The following DTNB variants were observed in gnomAD, a reference collection of about 807,000 sequenced individuals.
The protein encoded by DTNB is dystrobrevin beta, also known as DTN-B.
DTNB carries 63 observed loss-of-function variants against 90.7 expected under a neutral mutation model. The ratio of observed to expected loss-of-function variants is 0.69; its 90% CI spans 0.57 to 0.86. The LOEUF (loss-of-function observed/expected upper bound fraction) is 0.86, where lower values mean the gene tolerates loss of function less well. Ranked by LOEUF, DTNB falls within the 40% of genes least tolerant of loss-of-function variation. DTNB has a pLI of 0.00. For missense variants in DTNB, 744 were observed against 807.1 expected (o/e 0.92, Z 0.95); for synonymous variants, 277 against 286.7 (o/e 0.97, Z 0.34).
chr2:25,584,237 T>C (rs11126114), intron 6 of DTNB, among the ~76,000 whole-genome samples: 13,811 of 152,248 alleles, frequency 0.091, 736 homozygotes, highest in Non-Finnish European at 0.12. Context: ...CCAGAGACAA[T>C]GTGACGAAGC....
chr2:25,591,106 A>G (rs550556026), intron 6 of DTNB, among the ~76,000 whole-genome samples: 2 of 152,198 alleles, frequency 1.3e-5, no homozygotes, highest in Non-Finnish European at 2.9e-5. Context: ...TCGCTCTGAC[A>G]CTGGAGCAGG....
intron 8 of DTNB, among the ~76,000 whole-genome samples, chr2:25,566,733 C>T (rs1033182027): frequency 6.6e-5 from 10 of 152,144 alleles, no homozygotes; most frequent in East Asian, 3.9e-4. Context: ...GAATAAATAA[C>T]CACCTGAAAG....
intron 16 of DTNB, among the ~76,000 whole-genome samples, chr2:25,415,139 T>C (rs563629901): frequency 6.6e-6 from 1 of 152,298 alleles, no homozygotes; most frequent in African/African-American, 2.4e-5. Flanking sequence ...GTAACAGTTA[T>C]TGCCCATTTC....
At chr2:25,566,300 T>C (rs554540394) in intron 8 of DTNB, among the ~76,000 whole-genome samples, 118 of 152,218 alleles carry the variant, frequency 7.8e-4, no homozygotes, top group African/African-American at 2.6e-3. Context: ...ACTAAACAAA[T>C]TGTGCGAACA....
chr2:25,597,187 C>T (rs993849999), intron 5 of DTNB, among the ~76,000 whole-genome samples: 7 of 151,984 alleles, frequency 4.6e-5, no homozygotes, highest in Admixed American at 4.6e-4. Context: ...AAAAATTAGC[C>T]AGGCATAGTG....
chr2:25,628,347 G>A lies in DTNB; in HGVS notation c.186C>T (p.Phe62=), dbSNP rs1383202375. ...LVDIWNMIEA[F]RDNGLNTLDH... ...CCAGTGTATTAAGGCCATTGTCTCG[G>A]AAGGCTTCAATCATGTTCCAGATAT... is the stretch of plus-strand genomic sequence containing the variant. Residue 62 remains phenylalanine, a synonymous_variant, in exon 4 of 21, where the codon TTC becomes TTT. Transcript: ENST00000406818. The A allele has an allele frequency of 2.5e-6, 4 of 1,613,490 alleles. No individual in the cohort carries two copies. The highest frequency in any genetic ancestry group is 1.3e-5 in the African/African-American group (1 of 74,844).
At chr2:25,576,761 G>T in intron 8 of DTNB, 77 bp downstream of exon 8, 1 of 1,440,334 alleles carries the variant, frequency 6.9e-7, no homozygotes, top group Non-Finnish European at 9.2e-7. Flanking sequence ...AGGCATCCAT[G>T]AGGAAACTGG....
At chr2:25,379,233 A>G in intron 20 of DTNB, 57 bp downstream of exon 20, 1 of 1,295,358 alleles carries the variant, frequency 7.7e-7, no homozygotes, top group Non-Finnish European at 9.9e-7. Context: ...AGGGGAAGGG[A>G]AGATGCTGAG....
intron 1 of DTNB, among the ~76,000 whole-genome samples, chr2:25,662,835 A>C (rs1169321524): frequency 6.6e-6 from 1 of 152,144 alleles, no homozygotes; most frequent in Non-Finnish European, 1.5e-5. Context: ...TTTCTTTCTT[A>C]GGCTGGGTTC....
chr2:25,383,213 C>CTTTTTTTTTTTTTTTTTTTTTTTGT (rs34341817), intron 19 of DTNB, among the ~76,000 whole-genome samples: 1 of 108,028 alleles, frequency 9.3e-6, no homozygotes, highest in Non-Finnish European at 1.9e-5. Context: ...CATTTTTGGT[C>CTTTTTTTTTTTTTTTTTTTTTTTGT]TTTTTTTTTT....
At chr2:25,579,681 A>C (rs910144702) in intron 7 of DTNB, among the ~76,000 whole-genome samples, 3 of 152,162 alleles carry the variant, frequency 2.0e-5, no homozygotes, top group Non-Finnish European at 4.4e-5. Context: ...CACCAAGAAT[A>C]GTTTCAAGGC....
At chr2:25,396,570 AG>A (rs1229214289) in intron 16 of DTNB, among the ~76,000 whole-genome samples, 2 of 149,934 alleles carry the variant, frequency 1.3e-5, no homozygotes, top group East Asian at 4.0e-4. Flanking sequence ...AAAGGGTGGG[AG>A]GGGGGTGAGG....
chr2:25,502,255 T>C (rs930728144), intron 9 of DTNB, among the ~76,000 whole-genome samples: 4 of 151,712 alleles, frequency 2.6e-5, no homozygotes, highest in Admixed American at 2.0e-4. Flanking sequence ...ACCAGCAAAA[T>C]GAGACATTCG....
intron 8 of DTNB, among the ~76,000 whole-genome samples, chr2:25,557,702 G>A (rs943981140): frequency 4.6e-5 from 7 of 152,142 alleles, no homozygotes; most frequent in African/African-American, 1.7e-4. Context: ...TTCTTTCCAG[G>A]GAATTCTGGG....
At chr2:25,638,978 A>C in intron 3 of DTNB, 36 bp downstream of exon 3, 1 of 1,527,068 alleles carries the variant, frequency 6.5e-7, no homozygotes. Context: ...TGAGAACTCT[A>C]TCCAGCTATC....
chr2:25,411,009 G>T (rs2046455373), intron 16 of DTNB, among the ~76,000 whole-genome samples: 1 of 147,058 alleles, frequency 6.8e-6, no homozygotes, highest in Admixed American at 6.9e-5. Flanking sequence ...TTGAATCTTT[G>T]CTCCTGGGGG....
At chr2:25,565,440 G>C (rs1364067643) in intron 8 of DTNB, among the ~76,000 whole-genome samples, 1 of 151,988 alleles carries the variant, frequency 6.6e-6, no homozygotes, top group African/African-American at 2.4e-5. Flanking sequence ...GGTAGAGATA[G>C]CGTTTCACTA....
chr2:25,583,470 C>G (rs1027914920), intron 6 of DTNB, among the ~76,000 whole-genome samples: 74 of 151,328 alleles, frequency 4.9e-4, no homozygotes, highest in African/African-American at 1.7e-3. Context: ...ATACTACTTT[C>G]TCTAAAAAGT....
At chr2:25,539,099 C>G (rs572924121) in intron 8 of DTNB, among the ~76,000 whole-genome samples, 48 of 152,112 alleles carry the variant, frequency 3.2e-4, no homozygotes, top group South Asian at 4.1e-4. Flanking sequence ...TTTTTCACTG[C>G]TTGATGGTAT....
Sources: allele counts gnomAD v4.1 joint callset (sites outside exome capture counted in the v4.1 genomes callset), GRCh38; gene constraint gnomAD v4.1.1; transcripts MANE v1.5; gene names NCBI Gene and HGNC (gene_info 2026-07-23, HGNC 2026-07-21).